The following UNC13C variants were observed in gnomAD, a reference collection of about 807,000 sequenced individuals.
UNC13C encodes unc-13 homolog C, also known as protein unc-13 homolog C.
UNC13C carries 174 observed loss-of-function variants against 245.4 expected under a neutral mutation model. The observed-to-expected ratio is 0.71, with a 90% CI of 0.63 to 0.80. UNC13C has a LOEUF of 0.80. Among genes scored for constraint, UNC13C ranks in the 30% least tolerant of loss-of-function variants. The pLI is 0.00. For synonymous variants in UNC13C, 992 were observed against 895.1 expected (o/e 1.11, Z -1.93); for missense variants, 2,829 against 2,602.9 (o/e 1.09, Z -1.89).
chr15:54,090,762 C>T (rs913501368), intron 2 of UNC13C, among the ~76,000 whole-genome samples: 1 of 152,150 alleles, frequency 6.6e-6, no homozygotes, highest in Non-Finnish European at 1.5e-5. Flanking sequence ...TCTGGAGAGA[C>T]TCTCAGCCTG....
chr15:54,082,625 T>C (rs1279448591), intron 2 of UNC13C, among the ~76,000 whole-genome samples: 1 of 152,182 alleles, frequency 6.6e-6, no homozygotes, highest in Non-Finnish European at 1.5e-5. Flanking sequence ...ATGTAATCTT[T>C]TGGAGTTGTC....
Position 54,015,702 on chromosome 15 carries a change from G to T in UNC13C, c.2799G>T (p.Glu933Asp), listed in dbSNP as rs372899337. ...DGPADDMVSE[E>D]GLEPLNETSA... ...CAGCAGATGATATGGTTAGTGAAGA[G>T]GGGTTAGAACCCTTAAATGAAACAT... The change falls in exon 2 of 33, where the codon GAG becomes GAT. Residue 933 changes from glutamate to aspartate, a missense_variant. Physicochemically the swap from Glu to Asp is conservative, Grantham distance 45. Coordinates refer to ENST00000260323, the MANE Select transcript of UNC13C (RefSeq NM_001080534.3). The T allele has an allele frequency of 6.2e-7, 1 of 1,613,632 alleles. No individual in the cohort carries two copies. The highest frequency in any genetic ancestry group is 1.1e-5 in the South Asian group (1 of 91,060).
chr15:54,495,031 G>T (rs1017905635), intron 20 of UNC13C, among the ~76,000 whole-genome samples: 4 of 151,944 alleles, frequency 2.6e-5, no homozygotes, highest in Admixed American at 2.0e-4. Flanking sequence ...CCAGAACACA[G>T]ATTTTTTTGG....
chr15:54,130,155 G>A (rs1595889847), intron 2 of UNC13C, among the ~76,000 whole-genome samples: 1 of 150,704 alleles, frequency 6.6e-6, no homozygotes, highest in Non-Finnish European at 1.5e-5. Flanking sequence ...TTTCAAATGT[G>A]GTTTTCATTT....
At chr15:54,439,570 G>A (rs1046153308) in intron 19 of UNC13C, among the ~76,000 whole-genome samples, 3 of 151,752 alleles carry the variant, frequency 2.0e-5, no homozygotes, top group African/African-American at 2.4e-5. Flanking sequence ...TTATATAATT[G>A]TAATAATAGC....
chr15:53,985,236 T>C (rs1336225752), intron 1 of UNC13C, among the ~76,000 whole-genome samples: 4 of 152,082 alleles, frequency 2.6e-5, no homozygotes, highest in Admixed American at 1.3e-4. Context: ...CTGAGAATGA[T>C]GGTTTCCAGC....
rs186675231 is a variant in UNC13C, at chr15:54,321,441, T to C, written c.4269-498T>C. 3.4e-4 allele frequency: 166 copies of C among 495,214 alleles called. 1 individual carries two copies. The highest frequency in any genetic ancestry group is 1.0e-3 in the Admixed American group (48 of 47,208). The allele number at this position is 495,214 out of a possible 1,614,324, so 30.7% of individuals were successfully genotyped here. ...TCTCTTTGTTTCCACAACTCTTGCA[T>C]CTGCCTTTGCGGCCTTGCGTTCATG... On this transcript the variant is annotated intron_variant, in intron 13 of 32. Transcript: ENST00000260323.
chr15:54,207,430 A>T (rs1335060673), intron 4 of UNC13C, among the ~76,000 whole-genome samples: 1 of 152,032 alleles, frequency 6.6e-6, no homozygotes, highest in Non-Finnish European at 1.5e-5. Flanking sequence ...ATGTTCTGCC[A>T]TGAGCAGGAG....
intron 21 of UNC13C, among the ~76,000 whole-genome samples, chr15:54,500,536 G>A (rs1356859): frequency 6.6e-6 from 1 of 151,718 alleles, no homozygotes; most frequent in Admixed American, 6.6e-5. Flanking sequence ...TCCCAAAATC[G>A]TGAGCCACAA....
At chr15:54,472,639 C>T (rs1305255585) in intron 19 of UNC13C, among the ~76,000 whole-genome samples, 1 of 151,666 alleles carries the variant, frequency 6.6e-6, no homozygotes, top group Non-Finnish European at 1.5e-5. Flanking sequence ...TTCCTTTTTT[C>T]TGAAAAACAG....
intron 4 of UNC13C, among the ~76,000 whole-genome samples, chr15:54,163,247 G>A (rs915719869): frequency 6.6e-6 from 1 of 152,140 alleles, no homozygotes; most frequent in African/African-American, 2.4e-5. Context: ...AGACTGGAGT[G>A]ATACACAAAG....
At chr15:54,260,140 G>A (rs575975411) in intron 8 of UNC13C, among the ~76,000 whole-genome samples, 37 of 152,222 alleles carry the variant, frequency 2.4e-4, no homozygotes, top group Non-Finnish European at 4.3e-4. Flanking sequence ...TAAAATTTGG[G>A]CCTTAAGAGG....
intron 2 of UNC13C, among the ~76,000 whole-genome samples, chr15:54,113,672 A>G (rs973930244): frequency 2.6e-5 from 4 of 151,924 alleles, no homozygotes; most frequent in Non-Finnish European, 5.9e-5. Context: ...TAAAAATACG[A>G]AAAATTAGCT....
In UNC13C at chr15:54,012,663, A is replaced by G. The variant is rs11071015; in HGVS notation, c.-241A>G. 0.34 allele frequency among the ~76,000 whole-genome samples: 52,373 copies of G among 152,166 alleles called. 11,088 individuals are homozygous for G. The highest frequency in any genetic ancestry group is 0.47 in the Non-Finnish European group (31,643 of 67,980). On this transcript the variant is annotated 5_prime_UTR_variant, in exon 2 of 33. The change abolishes an upstream ATG in the 5' untranslated region. Transcript: ENST00000260323. ...TTCTTTTTAGACACTACATGGAGTT[A>G]TGTGGAAATGAGAGAGATTCATGAA...
At chr15:54,419,888 C>T (rs2040601902) in intron 19 of UNC13C, among the ~76,000 whole-genome samples, 1 of 152,090 alleles carries the variant, frequency 6.6e-6, no homozygotes, top group Admixed American at 6.5e-5. Flanking sequence ...GCTTGGTACT[C>T]ACTCAAGTAT....
Position 54,275,343 on chromosome 15 carries a change from A to G in UNC13C, c.3818+9847A>G, listed in dbSNP as rs74994057. Among the ~76,000 whole-genome samples, 1,351 of 152,324 alleles carry G rather than the reference A, an allele frequency of 8.9e-3. 22 individuals are homozygous for G. Among genetic ancestry groups the G allele is most frequent in the African/African-American group, 0.031 (1,287 of 41,582 alleles). The stretch of plus-strand genomic sequence containing the variant: ...AACACATGAAAATATGCCCAATAGC[A>G]TTAGTTATTAGGGAAATTCAAATTA... On this transcript the variant is annotated intron_variant, in intron 10 of 32. Transcript: ENST00000260323.
At chr15:54,228,273 G>T (rs904600469) in intron 4 of UNC13C, among the ~76,000 whole-genome samples, 3 of 152,104 alleles carry the variant, frequency 2.0e-5, no homozygotes, top group African/African-American at 7.2e-5. Context: ...CTGGCCCAGG[G>T]AAGGTCCAGA....
chr15:54,599,387 C>A (rs1245948774), intron 30 of UNC13C, among the ~76,000 whole-genome samples: 1 of 152,056 alleles, frequency 6.6e-6, no homozygotes, highest in Admixed American at 6.5e-5. Flanking sequence ...TTTTTGCTTT[C>A]TTTTCCTTTG....
chr15:54,039,405 A>G (rs1300444972), intron 2 of UNC13C, among the ~76,000 whole-genome samples: 1 of 152,212 alleles, frequency 6.6e-6, no homozygotes, highest in African/African-American at 2.4e-5. Context: ...AAACAGAATG[A>G]CATGCCATTG....
Sources: gnomAD v4.1 joint callset for allele counts (sites outside exome capture counted in the v4.1 genomes callset) on GRCh38, gnomAD v4.1.1 for gene constraint, MANE v1.5 for transcripts, NCBI Gene and HGNC (gene_info 2026-07-23, HGNC 2026-07-21) for gene names.